The following RTTN variants were observed in gnomAD, a reference collection of about 807,000 sequenced individuals.
The protein encoded by RTTN is rotatin.
RTTN carries 182 observed loss-of-function variants against 269.2 expected under a neutral mutation model. That is an observed-to-expected ratio of 0.68 (90% CI 0.60 to 0.76). RTTN has a LOEUF of 0.76. RTTN is among the 30% of genes least tolerant of loss of function. The pLI, the probability that RTTN is intolerant of heterozygous loss-of-function variation, is 0.00. For synonymous variants in RTTN, 1,006 were observed against 963.5 expected (o/e 1.04, Z -0.82); for missense variants, 2,545 against 2,608.6 (o/e 0.98, Z 0.53).
Position 70,199,431 on chromosome 18 carries a change from G to T in RTTN, c.561C>A (p.Val187=). 6.2e-7 allele frequency: 1 copy of T among 1,610,964 alleles called. No homozygotes were observed. Among genetic ancestry groups the T allele is most frequent in the Non-Finnish European group, 8.5e-7 (1 of 1,177,324 alleles). ...WLPLTTTDRH[V]LSSNESSLRS... ...CACCGTACCTTTCATTAGAGGAGAG[G>T]ACATGTCTGTCTGTGGTGGTCAGGG... The change falls in exon 5 of 49, where the codon GTC becomes GTA. Residue 187 remains valine, a synonymous_variant. Transcript: ENST00000640769.
intron 25 of RTTN, among the ~76,000 whole-genome samples, chr18:70,124,334 G>A (rs2059810757): frequency 1.3e-5 from 2 of 152,034 alleles, no homozygotes; most frequent in Admixed American, 1.3e-4. Flanking sequence ...TATGACTTAT[G>A]CGATATGTGA....
intron 9 of RTTN, among the ~76,000 whole-genome samples, chr18:70,189,229 G>A (rs2061615604): frequency 6.6e-6 from 1 of 152,158 alleles, no homozygotes; most frequent in Admixed American, 6.5e-5. Flanking sequence ...ATTAGTATAT[G>A]AATTAATATA....
chr18:70,200,440 C>T (rs1270259890), intron 4 of RTTN, among the ~76,000 whole-genome samples: 1 of 152,190 alleles, frequency 6.6e-6, no homozygotes, highest in Non-Finnish European at 1.5e-5. Flanking sequence ...TTCATTCAGA[C>T]ACCCATCCTT....
chr18:70,107,437 C>T (rs2059349473), intron 28 of RTTN, among the ~76,000 whole-genome samples: 1 of 152,170 alleles, frequency 6.6e-6, no homozygotes, highest in South Asian at 2.1e-4. Context: ...AATTGTCAGG[C>T]CACTGTGATG....
At chr18:70,028,047 C>G (rs567056366) in intron 43 of RTTN, among the ~76,000 whole-genome samples, 3 of 151,652 alleles carry the variant, frequency 2.0e-5, no homozygotes, top group Non-Finnish European at 4.4e-5. Flanking sequence ...TCGTGGCCAG[C>G]TTTTATAAAG....
chr18:70,187,310 C>G (rs2061570209), intron 10 of RTTN, among the ~76,000 whole-genome samples: 1 of 152,046 alleles, frequency 6.6e-6, no homozygotes, highest in Non-Finnish European at 1.5e-5. Context: ...CTATAATATA[C>G]CACCTTTTAT....
At position 70,080,217 on chromosome 18, in the gene RTTN, A is replaced by G. The variant is rs552039699; in HGVS notation, c.4375-4676T>C. On this transcript the variant is annotated intron_variant, in intron 32 of 48. Coordinates refer to ENST00000640769, the MANE Select transcript of RTTN (RefSeq NM_173630.4). ...TAAAACATATACACAGACAATTACT[A>G]GCTTTGTTCACTCACAGGACATAGA... 2.0e-5 allele frequency among the ~76,000 whole-genome samples: 3 copies of G among 152,158 alleles called. No homozygotes were observed. The South Asian group carries it at 6.2e-4, about 32-fold the overall frequency.
In RTTN at chr18:70,196,637, A is replaced by G. The variant is rs775068772; in HGVS notation, c.705T>C (p.Ser235=). ...CATCTCCAAAGGCCAGTTTCAACAG[A>G]GATAAAAGGCTCTGAAATCAAGAAG... ...QRPKIVQSLL[S]LLKLAFGDGK... is the part of the protein sequence containing the mutation. Residue 235 remains serine, a synonymous_variant, in exon 7 of 49, where the codon TCT becomes TCC. Transcript: ENST00000640769. The G allele has an allele frequency of 1.2e-6, 2 of 1,611,766 alleles. No individual in the cohort carries two copies. Among genetic ancestry groups the G allele is most frequent in the Admixed American group, 3.4e-5 (2 of 59,334 alleles).
At chr18:70,105,053 A>G (rs1245014502) in intron 28 of RTTN, among the ~76,000 whole-genome samples, 2 of 152,178 alleles carry the variant, frequency 1.3e-5, no homozygotes, top group Non-Finnish European at 2.9e-5. Context: ...AAGTCTACAG[A>G]GGTTTCTGCT....
intron 17 of RTTN, among the ~76,000 whole-genome samples, chr18:70,148,538 A>G (rs2060454512): frequency 6.6e-6 from 1 of 152,202 alleles, no homozygotes; most frequent in Admixed American, 6.5e-5. Flanking sequence ...GATGTTTACA[A>G]AAGGATCACT....
chr18:70,154,238 G>A (rs2060615197), intron 14 of RTTN, among the ~76,000 whole-genome samples: 2 of 151,392 alleles, frequency 1.3e-5, no homozygotes, highest in Admixed American at 1.3e-4. Context: ...ATCATTCTAT[G>A]ACAGGAAAAA....
chr18:70,043,384 G>A (rs769202428), intron 40 of RTTN, among the ~76,000 whole-genome samples: 15 of 152,020 alleles, frequency 9.9e-5, no homozygotes, highest in Non-Finnish European at 2.2e-4. Flanking sequence ...TGGCATTATG[G>A]TATATCAATA....
At chr18:70,109,927 G>A (rs539857028) in intron 27 of RTTN, among the ~76,000 whole-genome samples, 217 of 152,194 alleles carry the variant, frequency 1.4e-3, no homozygotes, top group African/African-American at 4.7e-3. Context: ...TACAAGTAAC[G>A]ATTACACTGG....
At position 70,194,389 on chromosome 18, in the gene RTTN, G is replaced by A. The variant is rs1305337525; in HGVS notation, c.842-936C>T. The A allele has an allele frequency of 3.3e-5, 5 of 152,182 alleles. No homozygotes were observed. In the East Asian group the frequency reaches 9.6e-4, roughly 29 times the overall value. 9.4% of individuals were successfully genotyped at this position (152,182 alleles called of 1,614,324 possible). ...GTACAGCTGCTGTGGAAAATAGTTT[G>A]GTGATTCTTCAAAAAGCTAAAGATA... On this transcript the variant is annotated intron_variant, in intron 7 of 48. Coordinates refer to ENST00000640769, the MANE Select transcript of RTTN (RefSeq NM_173630.4).
intron 44 of RTTN, among the ~76,000 whole-genome samples, chr18:70,024,140 T>A (rs1299272556): frequency 1.3e-5 from 2 of 152,174 alleles, no homozygotes; most frequent in African/African-American, 4.8e-5. Flanking sequence ...ACTGCCAATG[T>A]CATCCTGTTA....
At chr18:70,155,314 C>A (rs377743386) in intron 14 of RTTN, among the ~76,000 whole-genome samples, 5 of 152,136 alleles carry the variant, frequency 3.3e-5, no homozygotes, top group East Asian at 3.9e-4. Flanking sequence ...AGCTACCCTG[C>A]CAAAGAAGAC....
At chr18:70,053,981 T>C in intron 38 of RTTN, 150 bp downstream of exon 38, 1 of 635,156 alleles carries the variant, frequency 1.6e-6, no homozygotes, top group South Asian at 2.3e-5. Flanking sequence ...TTAAAAGGCA[T>C]CCAAACTATA....
At chr18:70,095,992 C>T (rs1185753767) in intron 28 of RTTN, among the ~76,000 whole-genome samples, 1 of 151,000 alleles carries the variant, frequency 6.6e-6, no homozygotes, top group African/African-American at 2.4e-5. Context: ...TTGCTCATTC[C>T]CTTTTGTTTT....
chr18:70,190,522 T>G lies in RTTN; in HGVS notation c.1189+16A>C. 1.9e-6 allele frequency: 3 copies of G among 1,577,346 alleles called. No homozygotes were observed. The highest frequency in any genetic ancestry group is 2.6e-6 in the Non-Finnish European group (3 of 1,151,156). Reference sequence around the variant, plus strand: ...ACACAAATTATATCAGAATTACGATTTCTAAAACAACTAACCTGTTCTTAA... The same window carrying G: ...ACACAAATTATATCAGAATTACGATGTCTAAAACAACTAACCTGTTCTTAA... On this transcript the variant is annotated intron_variant, in intron 9 of 48. Transcript: ENST00000640769.
Sources: allele counts gnomAD v4.1 joint callset (sites outside exome capture counted in the v4.1 genomes callset), GRCh38; gene constraint gnomAD v4.1.1; transcripts MANE v1.5; gene names NCBI Gene and HGNC (gene_info 2026-07-23, HGNC 2026-07-21).